The following PALM2AKAP2 variants were observed in gnomAD, a reference collection of about 807,000 sequenced individuals.
The protein encoded by PALM2AKAP2 is PALM2-AKAP2 fusion protein.
Under a neutral mutation model 71.5 loss-of-function variants are expected in PALM2AKAP2, and 37 were observed. That is an observed-to-expected ratio of 0.52 (90% CI 0.40 to 0.68). The LOEUF (loss-of-function observed/expected upper bound fraction) is 0.68. PALM2AKAP2 is among the 30% of genes least tolerant of loss of function. PALM2AKAP2 has a pLI of 0.00. For missense variants in PALM2AKAP2, 1,224 were observed against 1,191.8 expected (o/e 1.03, Z -0.40); for synonymous variants, 468 against 478.8 (o/e 0.98, Z 0.29).
chr9:110,091,629 A>AT (rs367820957), intron 1 of PALM2AKAP2, among the ~76,000 whole-genome samples: 8,645 of 151,456 alleles, frequency 0.057, 342 homozygotes, highest in Non-Finnish European at 0.089. Context: ...CACCCGGCTA[A>AT]TTTTTTGTAT....
intron 1 of PALM2AKAP2, among the ~76,000 whole-genome samples, chr9:110,057,249 T>A (rs945796489): frequency 1.1e-4 from 17 of 152,062 alleles, no homozygotes; most frequent in Admixed American, 7.2e-4. Flanking sequence ...TACTTAATCT[T>A]TATAGTCACC....
At chr9:109,756,416 G>C (rs1828964754) in intron 1 of PALM2AKAP2, among the ~76,000 whole-genome samples, 1 of 152,098 alleles carries the variant, frequency 6.6e-6, no homozygotes, top group Non-Finnish European at 1.5e-5. Flanking sequence ...CTGTTGATCT[G>C]TTACATACAG....
intron 2 of PALM2AKAP2, among the ~76,000 whole-genome samples, chr9:110,153,446 G>A (rs142346129): frequency 3.8e-4 from 58 of 152,258 alleles, no homozygotes; most frequent in Admixed American, 9.2e-4. Flanking sequence ...ATATAAATCC[G>A]CTTGTTACTC....
chr9:110,143,079 A>G (rs981581925), intron 2 of PALM2AKAP2, among the ~76,000 whole-genome samples: 1 of 143,952 alleles, frequency 6.9e-6, no homozygotes, highest in Admixed American at 6.8e-5. Flanking sequence ...CATGCTCCCA[A>G]TAGTGTGTGC....
At chr9:110,094,493 T>C (rs1385403079) in intron 1 of PALM2AKAP2, among the ~76,000 whole-genome samples, 2 of 152,206 alleles carry the variant, frequency 1.3e-5, no homozygotes, top group East Asian at 3.8e-4. Context: ...GGCATGGTTC[T>C]GGTATCCGCT....
At chr9:109,711,163 T>TA (rs11448146) in intron 1 of PALM2AKAP2, among the ~76,000 whole-genome samples, 48,392 of 150,332 alleles carry the variant, frequency 0.32, 8,395 homozygotes, top group African/African-American at 0.46. Flanking sequence ...GTTCTTAATT[T>TA]AAAAAAAAAA....
intron 1 of PALM2AKAP2, among the ~76,000 whole-genome samples, chr9:109,854,750 TAAAAGAA>T (rs1564181364): frequency 8.8e-5 from 12 of 137,134 alleles, no homozygotes; most frequent in Non-Finnish European, 1.1e-4. Flanking sequence ...AGTCAGTTTT[TAAAAGAA>T]TGTATCTTTT....
intron 2 of PALM2AKAP2, among the ~76,000 whole-genome samples, chr9:110,145,391 A>G (rs1331811340): frequency 6.6e-6 from 1 of 152,214 alleles, no homozygotes; most frequent in Non-Finnish European, 1.5e-5. Context: ...GTTATTTCCC[A>G]GGAAGAAGCT....
rs1835884261 is a variant in PALM2AKAP2, at chr9:110,136,743, C to G, written c.773C>G (p.Thr258Ser). The change falls in exon 2 of 4, where the codon ACT becomes AGT. Residue 258 changes from threonine to serine, a missense_variant. Thr to Ser is a moderately conservative substitution (Grantham distance 58). Coordinates refer to ENST00000374525, the Ensembl canonical transcript of PALM2AKAP2. ...TGTTCTTCCCGAGATGGAGAGTTCA[C>G]TCTCACCACACTGAAAAAGGAGGCC... is the stretch of plus-strand genomic sequence containing the variant. 1.2e-6 allele frequency: 2 copies of G among 1,614,200 alleles called. No homozygotes were observed. Among genetic ancestry groups the G allele is most frequent in the Admixed American group, 3.3e-5 (2 of 60,028 alleles).
intron 1 of PALM2AKAP2, among the ~76,000 whole-genome samples, chr9:109,851,210 A>AACAAC (rs200817100): frequency 1.3e-5 from 1 of 76,258 alleles, no homozygotes; most frequent in African/African-American, 8.1e-5. Flanking sequence ...CAACAACAAC[A>AACAAC]AAAAAAAAAA....
At chr9:109,744,249 A>G (rs78650270) in intron 1 of PALM2AKAP2, among the ~76,000 whole-genome samples, 6,502 of 152,276 alleles carry the variant, frequency 0.043, 189 homozygotes, top group Non-Finnish European at 0.053. Flanking sequence ...CAGAGAATGG[A>G]GTTCCAACCT....
chr9:110,063,458 A>G (rs1278430613), intron 1 of PALM2AKAP2, among the ~76,000 whole-genome samples: 1 of 124,794 alleles, frequency 8.0e-6, no homozygotes, highest in Non-Finnish European at 1.7e-5. Flanking sequence ...TTTTTTTTTG[A>G]GACAGAGTTT....
upstream of PALM2AKAP2, chr9:109,780,313 G>A: frequency 3.7e-6 from 5 of 1,364,774 alleles, no homozygotes; most frequent in Non-Finnish European, 4.7e-6. Flanking sequence ...GCTGAGCCCG[G>A]GCGAGCCCGC....
chr9:109,969,118 C>A (rs1467930582), intron 6 of PALM2AKAP2, among the ~76,000 whole-genome samples: 1 of 127,256 alleles, frequency 7.9e-6, no homozygotes, highest in Non-Finnish European at 1.8e-5. Flanking sequence ...ACACACGACT[C>A]CCAGAAAGGA....
intron 6 of PALM2AKAP2, among the ~76,000 whole-genome samples, chr9:110,013,140 T>G (rs1052002590): frequency 6.6e-6 from 1 of 152,160 alleles, no homozygotes; most frequent in African/African-American, 2.4e-5. Flanking sequence ...AGGACTCTCA[T>G]CCACTTGCAG....
intron 2 of PALM2AKAP2, among the ~76,000 whole-genome samples, chr9:110,153,610 G>A (rs1277322321): frequency 1.3e-5 from 2 of 152,164 alleles, no homozygotes; most frequent in South Asian, 2.1e-4. Context: ...TTTCATAATG[G>A]ACTTACTGAT....
intron 3 of PALM2AKAP2, among the ~76,000 whole-genome samples, chr9:109,885,910 A>G (rs1470602501): frequency 6.6e-6 from 1 of 152,198 alleles, no homozygotes; most frequent in Non-Finnish European, 1.5e-5. Flanking sequence ...TAAAATTCAA[A>G]GTAATGTGGT....
intron 1 of PALM2AKAP2, among the ~76,000 whole-genome samples, chr9:110,100,080 T>G (rs1054266141): frequency 1.4e-5 from 2 of 141,622 alleles, no homozygotes; most frequent in African/African-American, 5.4e-5. Flanking sequence ...TATATATATA[T>G]AGAAACATAA....
intron 2 of PALM2AKAP2, among the ~76,000 whole-genome samples, chr9:110,142,858 A>G (rs1836068114): frequency 2.0e-5 from 3 of 152,242 alleles, no homozygotes; most frequent in African/African-American, 7.2e-5. Context: ...AGTTTACCCT[A>G]TGGTCAGTGA....
Sources: allele counts gnomAD v4.1 joint callset (sites outside exome capture counted in the v4.1 genomes callset), GRCh38; gene constraint gnomAD v4.1.1; transcripts MANE v1.5; gene names NCBI Gene and HGNC (gene_info 2026-07-23, HGNC 2026-07-21).